The following RBFOX1 variants were observed in gnomAD, a reference collection of about 807,000 sequenced individuals.
The protein encoded by RBFOX1 is RNA binding protein fox-1 homolog 1.
Under a neutral mutation model 57.7 loss-of-function variants are expected in RBFOX1, and 8 were observed. The observed-to-expected ratio is 0.14, with a 90% CI of 0.08 to 0.25. The LOEUF (loss-of-function observed/expected upper bound fraction) is 0.25, where lower values mean the gene tolerates loss of function less well. RBFOX1 is among the 10% of genes least tolerant of loss of function. The pLI, the probability that RBFOX1 is intolerant of heterozygous loss-of-function variation, is 1.00. For synonymous variants in RBFOX1, 326 were observed against 222.4 expected, an observed-to-expected ratio of 1.47 and a Z score of -4.15; for missense variants, 611 against 548.5, an observed-to-expected ratio of 1.11 and a Z score of -1.14.
At chr16:7,550,454 C>T (rs1437710480) in intron 5 of RBFOX1, among the ~76,000 whole-genome samples, 1 of 152,056 alleles carries the variant, frequency 6.6e-6, no homozygotes, top group East Asian at 1.9e-4. Context: ...CCGTGTTGTC[C>T]CATTGAATGT....
At chr16:7,398,057 C>G (rs981580382) in intron 4 of RBFOX1, among the ~76,000 whole-genome samples, 13 of 151,976 alleles carry the variant, frequency 8.6e-5, no homozygotes, top group African/African-American at 2.7e-4. Context: ...GTGATTTAAC[C>G]TCCCCCAGTT....
intron 4 of RBFOX1, among the ~76,000 whole-genome samples, chr16:7,077,059 C>T (rs1441804248): frequency 1.3e-5 from 2 of 152,170 alleles, no homozygotes; most frequent in African/African-American, 2.4e-5. Context: ...TGGACGAGAC[C>T]TCAGAGGTTT....
chr16:5,564,746 G>A (rs1176847258), intron 2 of RBFOX1, among the ~76,000 whole-genome samples: 1 of 152,082 alleles, frequency 6.6e-6, no homozygotes, highest in Non-Finnish European at 1.5e-5. Context: ...TTTATTGAGT[G>A]CATATCAAGT....
At chr16:5,953,992 G>A (rs186848526) in intron 4 of RBFOX1, among the ~76,000 whole-genome samples, 56 of 152,120 alleles carry the variant, frequency 3.7e-4, no homozygotes, top group Non-Finnish European at 5.9e-4. Flanking sequence ...AATGTCTGGA[G>A]ACACCTTGGC....
At chr16:7,194,735 C>G (rs1212703838) in intron 4 of RBFOX1, among the ~76,000 whole-genome samples, 2 of 151,238 alleles carry the variant, frequency 1.3e-5, no homozygotes, top group Non-Finnish European at 2.9e-5. Context: ...CAAGACCAGC[C>G]TGGGGAATAT....
chr16:6,925,503 C>T (rs777226615), intron 3 of RBFOX1, among the ~76,000 whole-genome samples: 5 of 150,872 alleles, frequency 3.3e-5, no homozygotes, highest in Non-Finnish European at 5.9e-5. Context: ...CCCTATTCCA[C>T]TGTGAATGTA....
chr16:5,876,884 G>C (rs1045010053), intron 4 of RBFOX1, among the ~76,000 whole-genome samples: 1 of 152,188 alleles, frequency 6.6e-6, no homozygotes, highest in Non-Finnish European at 1.5e-5. Flanking sequence ...CAAAAGGAGA[G>C]ACAGACTCAG....
At chr16:6,413,304 A>G (rs1476380335) in intron 2 of RBFOX1, among the ~76,000 whole-genome samples, 3 of 143,228 alleles carry the variant, frequency 2.1e-5, no homozygotes, top group African/African-American at 5.4e-5. Context: ...GCGCAACAAG[A>G]GAGAAACTAC....
intron 1 of RBFOX1, among the ~76,000 whole-genome samples, chr16:5,390,616 A>G (rs1442683166): frequency 2.6e-5 from 4 of 152,040 alleles, no homozygotes; most frequent in Non-Finnish European, 4.4e-5. Flanking sequence ...ATGTCACAAT[A>G]TATCATGGAT....
At chr16:5,455,514 T>C (rs990682645) in intron 1 of RBFOX1, among the ~76,000 whole-genome samples, 1 of 152,190 alleles carries the variant, frequency 6.6e-6, no homozygotes, top group Non-Finnish European at 1.5e-5. Context: ...AAGGAGGCCT[T>C]GGAGAATATT....
intron 4 of RBFOX1, among the ~76,000 whole-genome samples, chr16:7,436,888 C>CT: frequency 6.6e-6 from 1 of 152,092 alleles, no homozygotes; most frequent in African/African-American, 2.4e-5. Context: ...ATGGCGAAGC[C>CT]CCATCACTAC....
intron 1 of RBFOX1, among the ~76,000 whole-genome samples, chr16:5,276,609 C>T (rs1350966728): frequency 6.6e-6 from 1 of 151,984 alleles, no homozygotes; most frequent in Non-Finnish European, 1.5e-5. Flanking sequence ...ATGGTGAAAC[C>T]CCGTCTCTAC....
chr16:7,142,822 A>C (rs2074120243), intron 4 of RBFOX1, among the ~76,000 whole-genome samples: 1 of 152,160 alleles, frequency 6.6e-6, no homozygotes, highest in South Asian at 2.1e-4. Context: ...GAATGAATGA[A>C]AGATAGAAAG....
chr16:5,319,576 A>G (rs886143672), intron 1 of RBFOX1, among the ~76,000 whole-genome samples: 1 of 152,192 alleles, frequency 6.6e-6, no homozygotes, highest in South Asian at 2.1e-4. Context: ...CCCAGGGACA[A>G]TCCAGGCCAC....
intron 2 of RBFOX1, among the ~76,000 whole-genome samples, chr16:6,413,195 T>C (rs912543632): frequency 1.3e-5 from 2 of 151,988 alleles, no homozygotes; most frequent in Non-Finnish European, 2.9e-5. Flanking sequence ...GGCACATGCC[T>C]GTAATCCCAG....
chr16:6,516,039 T>G (rs2096371015), intron 2 of RBFOX1, among the ~76,000 whole-genome samples: 3 of 152,174 alleles, frequency 2.0e-5, no homozygotes. Flanking sequence ...AGTCTTGCTC[T>G]GTATCCCAGA....
chr16:6,990,711 G>C (rs145409924), intron 3 of RBFOX1, among the ~76,000 whole-genome samples: 6 of 152,094 alleles, frequency 3.9e-5, no homozygotes, highest in African/African-American at 7.2e-5. Context: ...TTGTGAATGT[G>C]AGCTTGGACA....
At chr16:7,174,725 A>T (rs534645276) in intron 4 of RBFOX1, among the ~76,000 whole-genome samples, 35 of 152,346 alleles carry the variant, frequency 2.3e-4, no homozygotes, top group Non-Finnish European at 4.3e-4. Flanking sequence ...GATTGCAGTG[A>T]GCCAAGATTG....
intron 3 of RBFOX1, among the ~76,000 whole-genome samples, chr16:5,691,340 G>C (rs1036556872): frequency 7.2e-5 from 11 of 152,168 alleles, no homozygotes; most frequent in Non-Finnish European, 1.5e-4. Flanking sequence ...CCTGATCTGT[G>C]CTGATGCAAG....
Sources: gnomAD v4.1 joint callset for allele counts (sites outside exome capture counted in the v4.1 genomes callset) on GRCh38, gnomAD v4.1.1 for gene constraint, MANE v1.5 for transcripts, NCBI Gene and HGNC (gene_info 2026-07-23, HGNC 2026-07-21) for gene names.